PPP2R3B: variants seen among roughly 807,000 people sequenced by gnomAD.
PPP2R3B encodes serine/threonine-protein phosphatase 2A regulatory subunit B'' subunit beta.
Under a neutral mutation model 72.9 loss-of-function variants are expected in PPP2R3B, and 68 were observed. The ratio of observed to expected loss-of-function variants is 0.93; its 90% confidence interval spans 0.77 to 1.14. The LOEUF (loss-of-function observed/expected upper bound fraction) is 1.14, where lower values mean the gene tolerates loss of function less well. Among genes scored for constraint, PPP2R3B ranks in the 50% most tolerant of loss-of-function variants. PPP2R3B has a pLI of 0.00. For missense variants in PPP2R3B, 1,018 were observed against 842.0 expected, an observed-to-expected ratio of 1.21 and a Z score of -2.59; for synonymous variants, 466 against 375.8, an observed-to-expected ratio of 1.24 and a Z score of -2.78.
rs902705076 is a variant in PPP2R3B, at chrX:364,840, A to G, written c.325-3250T>C. ...GGAGGTTGCAGTGAGCTGAGATCGC[A>G]CCACTGCACTCCAGCCTGGGCGACA... On this transcript the variant is annotated intron_variant, in intron 1 of 12. Coordinates refer to ENST00000390665, the MANE Select transcript of PPP2R3B (RefSeq NM_013239.5). 1.5e-3 allele frequency among the ~76,000 whole-genome samples: 69 copies of G among 45,232 alleles called. 3 individuals carry two copies. The highest frequency in any genetic ancestry group is 9.6e-3 in the African/African-American group (54 of 5,618). The allele number at this position is 45,232 out of a possible 152,430, so 29.7% of individuals were successfully genotyped here.
chrX:344,728 G>A (rs910738468), intron 7 of PPP2R3B, among the ~76,000 whole-genome samples: 1 of 152,224 alleles, frequency 6.6e-6, no homozygotes, highest in Non-Finnish European at 1.5e-5. Context: ...ACTGAGCGCA[G>A]GACAAATCCA....
intron 1 of PPP2R3B, among the ~76,000 whole-genome samples, chrX:385,217 A>G (rs1178639318): frequency 6.6e-6 from 1 of 151,572 alleles, no homozygotes; most frequent in African/African-American, 2.4e-5. Context: ...GTGAATATCC[A>G]TAGCTCTTCC....
intron 1 of PPP2R3B, among the ~76,000 whole-genome samples, chrX:364,359 C>A (rs149439327): frequency 6.6e-6 from 1 of 151,874 alleles, no homozygotes; most frequent in Non-Finnish European, 1.5e-5. Context: ...ACCAAACTCA[C>A]GGTCACCAGG....
chrX:353,909 A>ACCGGGGG (rs1021625518), intron 2 of PPP2R3B, among the ~76,000 whole-genome samples: 1 of 123,396 alleles, frequency 8.1e-6, no homozygotes, highest in African/African-American at 3.3e-5. Context: ...TCACCCAAAG[A>ACCGGGGG]CTGGGGCTCG....
chrX:360,506 C>G (rs1207098218), intron 2 of PPP2R3B, among the ~76,000 whole-genome samples: 1 of 152,214 alleles, frequency 6.6e-6, no homozygotes, highest in Non-Finnish European at 1.5e-5. Context: ...TGCACTCCAG[C>G]CTGGGTGACA....
intron 2 of PPP2R3B, among the ~76,000 whole-genome samples, chrX:352,007 G>A (rs1309173788): frequency 3.3e-5 from 5 of 152,112 alleles, no homozygotes; most frequent in African/African-American, 7.2e-5. Context: ...CTGCACCCCC[G>A]GCGTCTGGGG....
intron 1 of PPP2R3B, among the ~76,000 whole-genome samples, chrX:370,265 G>A (rs2071828967): frequency 6.6e-6 from 1 of 152,156 alleles, no homozygotes; most frequent in African/African-American, 2.4e-5. Flanking sequence ...AGGTGCAGGT[G>A]TCTGAGTAGG....
chrX:341,334 G>C lies in PPP2R3B; in HGVS notation c.1148C>G (p.Ser383Cys), dbSNP rs749783210. The change falls in exon 9 of 13, where the codon TCT becomes TGT. Residue 383 changes from serine (S) to cysteine (C), a missense_variant. Transcript: ENST00000390665. ...GGTCGGTGTTTTTTTGTCTTCCTCA[G>C]AGATCAAAAACCAGACAAAGTCGGC... ...SYADFVWFLISEEDKKTPTSI... is the reference protein window; with the variant it reads ...SYADFVWFLICEEDKKTPTSI... 2.5e-6 allele frequency: 4 copies of C among 1,612,580 alleles called. No individual in the cohort carries two copies. In the South Asian group the frequency reaches 4.4e-5, roughly 18 times the overall value.
intron 2 of PPP2R3B, among the ~76,000 whole-genome samples, chrX:350,302 GAGGGACGCTGCACGGCTCTGCCGCGGCCA>G (rs2071302170): frequency 6.6e-6 from 1 of 152,208 alleles, no homozygotes; most frequent in African/African-American, 2.4e-5. Context: ...GGAAGGAAAC[GAGGGACGCTGCACGGCTCTGCCGCGGCCA>G]AGGTTTCTTT....
intron 2 of PPP2R3B, chrX:347,956 C>T (rs1361674322): frequency 4.0e-5 from 17 of 424,682 alleles, no homozygotes; most frequent in Admixed American, 3.8e-4. Context: ...TAACCAGAGG[C>T]GGCTGCATCC....
At position 340,955 on chromosome X, in the gene PPP2R3B, G is replaced by A. The variant is rs770766182; in HGVS notation, c.1176-15C>T. 157 of 1,606,320 alleles carry A rather than the reference G, an allele frequency of 9.8e-5. No individual in the cohort carries two copies. The highest frequency in any genetic ancestry group is 6.7e-5 in the Non-Finnish European group (79 of 1,176,994). ...AGTACTCGATGCTGCGGCACGGCGA[G>A]CTCTGTCAGCCCCTGCCCTGGGCCC... On this transcript the variant is annotated splice_polypyrimidine_tract_variant and intron_variant, in intron 9 of 12. Transcript: ENST00000390665.
intron 6 of PPP2R3B, 96 bp from the exon 7 acceptor site, chrX:345,768 G>A: frequency 1.0e-5 from 15 of 1,440,160 alleles, no homozygotes; most frequent in East Asian, 2.3e-5. Context: ...TGGGAGGGTC[G>A]GGGCCGCTCC....
intron 7 of PPP2R3B, 48 bp downstream of exon 7, chrX:345,468 G>C (rs1355130149): frequency 5.6e-6 from 9 of 1,609,242 alleles, no homozygotes; most frequent in South Asian, 1.1e-5. Context: ...TGAGAGAAGG[G>C]TGTGCTCGGT....
chrX:341,791 G>C lies in PPP2R3B; in HGVS notation c.1085+92C>G, dbSNP rs73613866. 4 of 1,374,014 alleles carry C rather than the reference G, an allele frequency of 2.9e-6. No homozygotes were observed. In the Admixed American group the frequency reaches 5.0e-5, roughly 17 times the overall value. 85.1% of individuals were successfully genotyped at this position (1,374,014 alleles called of 1,614,324 possible). On this transcript the variant is annotated intron_variant, in intron 8 of 12. Coordinates refer to ENST00000390665, the MANE Select transcript of PPP2R3B (RefSeq NM_013239.5). ...GGGGTGACAACCACTCGCTGTCGGGGCACAAAAAGCTCACGTCAGGCAACG... is the reference window on the plus strand; with the variant it reads ...GGGGTGACAACCACTCGCTGTCGGGCCACAAAAAGCTCACGTCAGGCAACG...
At chrX:363,289 C>A (rs2071584846) in intron 1 of PPP2R3B, among the ~76,000 whole-genome samples, 2 of 151,554 alleles carry the variant, frequency 1.3e-5, no homozygotes, top group South Asian at 2.1e-4. Context: ...AGCCCACGAT[C>A]CCGCAGTGCA....
intron 1 of PPP2R3B, among the ~76,000 whole-genome samples, chrX:380,411 G>C (rs1159174336): frequency 1.3e-5 from 2 of 152,130 alleles, no homozygotes; most frequent in African/African-American, 2.4e-5. Flanking sequence ...ACAGACGCTC[G>C]ACAGTGGGAA....
intron 9 of PPP2R3B, 38 bp from the exon 10 acceptor site, chrX:340,978 C>T: frequency 6.3e-7 from 1 of 1,595,666 alleles, no homozygotes; most frequent in Non-Finnish European, 8.5e-7. Flanking sequence ...CTGCCCTGGG[C>T]CCTCCCAGCC....
intron 7 of PPP2R3B, chrX:342,193 A>G: frequency 1.7e-6 from 1 of 597,520 alleles, no homozygotes; most frequent in South Asian, 2.0e-5. Context: ...TAAAGAGCAG[A>G]ATATTCAGGC....
rs781147446 is a variant in PPP2R3B at position 345,336 on chromosome X, C to T, written c.1036+180G>A. ...AGAGGCGCACGCGGGGACCCAGACA[C>T]GGGGCAGCGACTGGGGAAGGAGAGG... is the stretch of plus-strand genomic sequence containing the variant. On this transcript the variant is annotated intron_variant, in intron 7 of 12. Transcript: ENST00000390665. 15 of 896,758 alleles carry T rather than the reference C, an allele frequency of 1.7e-5. No homozygotes were observed. In the South Asian group the frequency reaches 1.7e-4, roughly 10 times the overall value. The allele number at this position is 896,758 out of a possible 1,614,324, so 55.6% of individuals were successfully genotyped here. A position where few individuals can be genotyped will look rare whatever the true frequency, so the allele number is the denominator to read the frequency against.
Sources: gnomAD v4.1 joint callset for allele counts (sites outside exome capture counted in the v4.1 genomes callset) on GRCh38, gnomAD v4.1.1 for gene constraint, MANE v1.5 for transcripts, NCBI Gene and HGNC (gene_info 2026-07-23, HGNC 2026-07-21) for gene names.